The following GALNTL6 variants were observed in gnomAD, a reference collection of about 807,000 sequenced individuals.
GALNTL6 encodes the protein polypeptide N-acetylgalactosaminyltransferase like 6.
In GALNTL6, 46 loss-of-function variants were observed where a neutral mutation model predicts 73.7. The ratio of observed to expected loss-of-function variants is 0.62; its 90% CI spans 0.49 to 0.80. The LOEUF (loss-of-function observed/expected upper bound fraction) is 0.80, where lower values mean the gene tolerates loss of function less well. GALNTL6 is among the 30% of genes least tolerant of loss of function. The pLI is 0.00. For synonymous variants in GALNTL6, 259 were observed against 263.7 expected, an observed-to-expected ratio of 0.98 and a Z score of 0.17; for missense variants, 604 against 755.0, an observed-to-expected ratio of 0.80 and a Z score of 2.34.
intron 5 of GALNTL6, among the ~76,000 whole-genome samples, chr4:172,501,633 G>A (rs1257322022): frequency 6.6e-6 from 1 of 152,082 alleles, no homozygotes; most frequent in South Asian, 2.1e-4. Flanking sequence ...TCAATTGTCC[G>A]TGAATTTCTA....
At chr4:172,143,518 C>CT (rs1337769416) in intron 2 of GALNTL6, among the ~76,000 whole-genome samples, 1 of 150,776 alleles carries the variant, frequency 6.6e-6, no homozygotes, top group Non-Finnish European at 1.5e-5. Flanking sequence ...TTTGTTTTAC[C>CT]TTTTTTGCAC....
At chr4:172,715,769 C>G (rs1579383547) in intron 5 of GALNTL6, among the ~76,000 whole-genome samples, 1 of 152,164 alleles carries the variant, frequency 6.6e-6, no homozygotes, top group Non-Finnish European at 1.5e-5. Flanking sequence ...TTGTTAGATC[C>G]ATTTTCAGTG....
At chr4:172,136,996 A>C (rs2111029652) in intron 2 of GALNTL6, among the ~76,000 whole-genome samples, 1 of 152,050 alleles carries the variant, frequency 6.6e-6, no homozygotes, top group African/African-American at 2.4e-5. Flanking sequence ...ATATTAACTA[A>C]CTCCCATATA....
chr4:172,233,725 TC>T (rs958927104), intron 3 of GALNTL6, among the ~76,000 whole-genome samples: 2 of 152,072 alleles, frequency 1.3e-5, no homozygotes, highest in African/African-American at 4.8e-5. Flanking sequence ...TTCTTGCTCT[TC>T]TTTTTGTTGT....
At chr4:171,839,691 G>T (rs1026012238) in intron 2 of GALNTL6, among the ~76,000 whole-genome samples, 2 of 146,726 alleles carry the variant, frequency 1.4e-5, no homozygotes, top group Admixed American at 1.4e-4. Context: ...AAAAAAAAAA[G>T]ATGTAATAAA....
At chr4:171,983,183 G>A (rs960527911) in intron 2 of GALNTL6, among the ~76,000 whole-genome samples, 9 of 152,130 alleles carry the variant, frequency 5.9e-5, no homozygotes, top group Admixed American at 4.6e-4. Flanking sequence ...GGTGTACGGT[G>A]TACAAATTCT....
At chr4:171,904,766 G>T (rs1406158465) in intron 2 of GALNTL6, among the ~76,000 whole-genome samples, 1 of 152,214 alleles carries the variant, frequency 6.6e-6, no homozygotes, top group South Asian at 2.1e-4. Flanking sequence ...TACCCTCAAA[G>T]GGAAGCCCAT....
In GALNTL6 at chr4:171,814,524, A is replaced by G. The variant is rs1734468110; in HGVS notation, c.-57A>G. On this transcript the variant is annotated 5_prime_UTR_variant, in exon 2 of 13. Coordinates refer to ENST00000506823, the MANE Select transcript of GALNTL6 (RefSeq NM_001034845.3). Reference sequence around the variant, plus strand: ...AGAGGAAAGGAATTTGACATTAAACACAAGAAGCAGTCAGGGAGCCATCTC... The same window carrying G: ...AGAGGAAAGGAATTTGACATTAAACGCAAGAAGCAGTCAGGGAGCCATCTC... The G allele has an allele frequency of 6.3e-7, 1 of 1,588,994 alleles. No individual in the cohort carries two copies. The highest frequency in any genetic ancestry group is 1.7e-5 in the Admixed American group (1 of 57,584).
chr4:172,606,344 C>T (rs1233179016), intron 5 of GALNTL6, among the ~76,000 whole-genome samples: 3 of 151,104 alleles, frequency 2.0e-5, no homozygotes, highest in African/African-American at 4.9e-5. Flanking sequence ...ATCCCAGCTA[C>T]TCAGGAGGCT....
At chr4:172,325,002 G>A (rs990328065) in intron 4 of GALNTL6, among the ~76,000 whole-genome samples, 4 of 150,970 alleles carry the variant, frequency 2.6e-5, no homozygotes, top group Non-Finnish European at 4.4e-5. Flanking sequence ...TAAGTACAAA[G>A]AAGGAAATAA....
rs1420994606 is a variant in GALNTL6 at position 173,030,353 on chromosome 4, GT to G, written c.1638+8730del. On this transcript the variant is annotated intron_variant, in intron 12 of 12. Coordinates refer to ENST00000506823, the MANE Select transcript of GALNTL6 (RefSeq NM_001034845.3). Reference sequence around the variant, plus strand: ...TAACCCAGCTGAAATCACTTAGGTTGTTATGACCTTCTAACTTTTGCCATTT... The same window carrying G: ...TAACCCAGCTGAAATCACTTAGGTTGTATGACCTTCTAACTTTTGCCATTT... 5.9e-5 allele frequency among the ~76,000 whole-genome samples: 9 copies of G among 152,104 alleles called. No individual in the cohort carries two copies. The East Asian group carries it at 1.7e-3, about 29-fold the overall frequency.
At chr4:172,954,986 A>C (rs999689456) in intron 10 of GALNTL6, among the ~76,000 whole-genome samples, 2 of 152,230 alleles carry the variant, frequency 1.3e-5, no homozygotes, top group Non-Finnish European at 2.9e-5. Context: ...AAAGGAAATC[A>C]ATAAAAGACA....
intron 2 of GALNTL6, among the ~76,000 whole-genome samples, chr4:172,157,972 A>C (rs781590686): frequency 2.0e-4 from 31 of 152,196 alleles, no homozygotes; most frequent in Non-Finnish European, 3.7e-4. Context: ...TTGCGTCCCA[A>C]CCACAGTGAA....
At chr4:171,927,257 A>G (rs1257544056) in intron 2 of GALNTL6, among the ~76,000 whole-genome samples, 2 of 152,056 alleles carry the variant, frequency 1.3e-5, no homozygotes, top group African/African-American at 4.8e-5. Context: ...ATGTATCTCA[A>G]TTATTTGAAA....
chr4:171,917,313 G>T (rs997994621), intron 2 of GALNTL6, among the ~76,000 whole-genome samples: 1 of 152,006 alleles, frequency 6.6e-6, no homozygotes, highest in African/African-American at 2.4e-5. Flanking sequence ...GGTGAGCTTG[G>T]CAGGTTGCTC....
chr4:172,606,660 A>AG (rs1353535757), intron 5 of GALNTL6, among the ~76,000 whole-genome samples: 777 of 40,402 alleles, frequency 0.019, 14 homozygotes, highest in African/African-American at 0.034. Context: ...TAGTATATAT[A>AG]TACTATATAT....
chr4:171,873,912 A>G (rs1255118281), intron 2 of GALNTL6, among the ~76,000 whole-genome samples: 1 of 152,196 alleles, frequency 6.6e-6, no homozygotes, highest in Non-Finnish European at 1.5e-5. Flanking sequence ...GAAATGTCAA[A>G]AATCTTTCAA....
At chr4:172,374,249 G>T (rs1742940145) in intron 5 of GALNTL6, among the ~76,000 whole-genome samples, 1 of 152,168 alleles carries the variant, frequency 6.6e-6, no homozygotes, top group East Asian at 1.9e-4. Flanking sequence ...TTGTCTGAGG[G>T]CCATGACTAA....
intron 3 of GALNTL6, among the ~76,000 whole-genome samples, chr4:172,288,248 G>A (rs769866430): frequency 2.6e-5 from 4 of 151,820 alleles, no homozygotes; most frequent in Admixed American, 6.6e-5. Flanking sequence ...CAACCACCAC[G>A]CCCAGCTAAT....
Sources: gnomAD v4.1 joint callset for allele counts (sites outside exome capture counted in the v4.1 genomes callset) on GRCh38, gnomAD v4.1.1 for gene constraint, MANE v1.5 for transcripts, NCBI Gene and HGNC (gene_info 2026-07-23, HGNC 2026-07-21) for gene names.